Variants in SYCP2L observed in about 807,000 individuals in gnomAD.
SYCP2L encodes the protein synaptonemal complex protein 2-like.
Under a neutral mutation model 125.8 loss-of-function variants are expected in SYCP2L, and 98 were observed. The ratio of observed to expected loss-of-function variants is 0.78; its 90% CI spans 0.66 to 0.92. SYCP2L has a LOEUF of 0.92. Among genes scored for constraint, SYCP2L ranks in the 40% least tolerant of loss-of-function variants. SYCP2L has a pLI of 0.00. For missense variants in SYCP2L, 842 were observed against 936.4 expected, an observed-to-expected ratio of 0.90 and a Z score of 1.32; for synonymous variants, 317 against 325.4, an observed-to-expected ratio of 0.97 and a Z score of 0.28.
At chr6:10,932,168 A>G (rs1781008082) in intron 20 of SYCP2L, among the ~76,000 whole-genome samples, 1 of 151,938 alleles carries the variant, frequency 6.6e-6, no homozygotes, top group Non-Finnish European at 1.5e-5. Flanking sequence ...TAATGGTTTA[A>G]TTATTTAGAC....
Position 10,887,124 on chromosome 6 carries a change from G to C in SYCP2L, c.-3G>C, listed in dbSNP as rs752897854. On this transcript the variant is annotated 5_prime_UTR_variant, in exon 1 of 30. Coordinates refer to ENST00000283141, the MANE Select transcript of SYCP2L (RefSeq NM_001040274.3). The stretch of plus-strand genomic sequence containing the variant: ...GTCGCTTCAGGAACGAAGAAGCCTC[G>C]TTATGCAAGCGGTGAGTGACCCCCG... 4.3e-6 allele frequency: 7 copies of C among 1,614,126 alleles called. No individual in the cohort carries two copies. In the South Asian group the frequency reaches 5.5e-5, roughly 13 times the overall value.
chr6:10,973,120 G>A (rs998962435), intron 29 of SYCP2L, among the ~76,000 whole-genome samples: 4 of 152,182 alleles, frequency 2.6e-5, no homozygotes, highest in Non-Finnish European at 5.9e-5. Flanking sequence ...AACTTATATC[G>A]CTCAGGTGAT....
chr6:10,951,705 T>A (rs1438586064), intron 23 of SYCP2L, among the ~76,000 whole-genome samples: 1 of 152,188 alleles, frequency 6.6e-6, no homozygotes, highest in African/African-American at 2.4e-5. Flanking sequence ...GAGGATCTTT[T>A]GGTAGATTCT....
chr6:10,958,005 C>T lies in SYCP2L; in HGVS notation c.2164-779C>T, dbSNP rs78998386. 4.2e-3 allele frequency among the ~76,000 whole-genome samples: 644 copies of T among 152,204 alleles called. 5 individuals are homozygous for T. The highest frequency in any genetic ancestry group is 0.015 in the African/African-American group (615 of 41,518). ...TCCTGTTACTTATAATCCCAAATGA[C>T]TTATTTATTAGTACATTTGAGAAAA... On this transcript the variant is annotated intron_variant, in intron 25 of 29. Coordinates refer to ENST00000283141, the MANE Select transcript of SYCP2L (RefSeq NM_001040274.3).
chr6:10,942,268 A>G (rs572667545), intron 21 of SYCP2L, among the ~76,000 whole-genome samples, 191 bp from the exon 22 acceptor site: 3 of 152,296 alleles, frequency 2.0e-5, no homozygotes, highest in African/African-American at 7.2e-5. Flanking sequence ...CGTTGTGCAC[A>G]TGTACCCTAA....
intron 4 of SYCP2L, 74 bp from the exon 5 acceptor site, chr6:10,897,937 A>G: frequency 1.0e-6 from 1 of 990,526 alleles, no homozygotes; most frequent in Admixed American, 1.8e-5. Flanking sequence ...TGTAATGAGA[A>G]AATTGTCTTG....
At chr6:10,970,370 A>G (rs751229032) in intron 29 of SYCP2L, among the ~76,000 whole-genome samples, 1 of 152,172 alleles carries the variant, frequency 6.6e-6, no homozygotes. Context: ...GTGGGTGTGG[A>G]TGGTGGGGGT....
At chr6:10,947,228 T>G (rs531751644) in intron 23 of SYCP2L, among the ~76,000 whole-genome samples, 1 of 152,084 alleles carries the variant, frequency 6.6e-6, no homozygotes, top group Non-Finnish European at 1.5e-5. Context: ...TAGAGTAGTT[T>G]ATCTTCTTTC....
At chr6:10,955,697 A>G (rs1389188388) in intron 24 of SYCP2L, among the ~76,000 whole-genome samples, 2 of 152,352 alleles carry the variant, frequency 1.3e-5, no homozygotes, top group East Asian at 1.9e-4. Flanking sequence ...AGCTGCTGGT[A>G]TGAGCATGCA....
At chr6:10,948,912 A>G (rs78013311) in intron 23 of SYCP2L, among the ~76,000 whole-genome samples, 3,629 of 152,176 alleles carry the variant, frequency 0.024, 150 homozygotes, top group East Asian at 0.2. Flanking sequence ...CAGTTTTGGA[A>G]TTCTGTGTTT....
At chr6:10,921,768 C>T (rs1283101195) in intron 14 of SYCP2L, among the ~76,000 whole-genome samples, 7 of 151,384 alleles carry the variant, frequency 4.6e-5, no homozygotes, top group South Asian at 4.2e-4. Flanking sequence ...TGCAGTGGCG[C>T]GATCTTGGCT....
rs70991066 is a variant in SYCP2L at position 10,888,066 on chromosome 6, CTTTTTTTT to C, written c.9+972_9+979del. On this transcript the variant is annotated intron_variant, in intron 1 of 29. Coordinates refer to ENST00000283141, the MANE Select transcript of SYCP2L (RefSeq NM_001040274.3). ...AATCCTTCCATATAGGTGTTACCATCTTTTTTTTTTTTTTTTTTTTTTTTTTTTTTTTT... is the reference window on the plus strand; with the variant it reads ...AATCCTTCCATATAGGTGTTACCATCTTTTTTTTTTTTTTTTTTTTTTTTT... 1.0e-3 allele frequency among the ~76,000 whole-genome samples: 78 copies of C among 74,354 alleles called. 8 individuals carry two copies. Among genetic ancestry groups the C allele is most frequent in the Admixed American group, 2.4e-3 (13 of 5,434 alleles). The allele number at this position is 74,354 out of a possible 152,430, so 48.8% of individuals were successfully genotyped here.
At chr6:10,893,730 A>C in intron 2 of SYCP2L, 137 bp from the exon 3 acceptor site, 1 of 1,003,092 alleles carries the variant, frequency 1.0e-6, no homozygotes, top group Non-Finnish European at 1.5e-6. Context: ...TTTACTATTC[A>C]AGATAGAGAT....
intron 18 of SYCP2L, among the ~76,000 whole-genome samples, chr6:10,929,109 C>T (rs1780946641): frequency 6.6e-6 from 1 of 152,038 alleles, no homozygotes; most frequent in Non-Finnish European, 1.5e-5. Context: ...CCAGACTGGT[C>T]TCAAACTCCT....
rs374285183 is a variant in SYCP2L, at chr6:10,927,327, C to A, written c.1400C>A (p.Ser467Tyr). 1 of 1,614,084 alleles carries A rather than the reference C, an allele frequency of 6.2e-7. No individual in the cohort carries two copies. The change falls in exon 17 of 30, where the codon TCT (serine) becomes TAT (tyrosine). Residue 467 changes from serine (S) to tyrosine (Y), a missense_variant. Coordinates refer to ENST00000283141, the MANE Select transcript of SYCP2L (RefSeq NM_001040274.3). ...ATAACTCTCCACTTAAATGACCAATCTGAGCCACCTGTTATTGGGGAACCT... is the reference window on the plus strand; with the variant it reads ...ATAACTCTCCACTTAAATGACCAATATGAGCCACCTGTTATTGGGGAACCT... ...CLITLHLNDQSEPPVIGEPAS... is the reference protein window; with the variant it reads ...CLITLHLNDQYEPPVIGEPAS...
At chr6:10,892,301 C>A (rs1438747600) in intron 2 of SYCP2L, among the ~76,000 whole-genome samples, 1 of 152,112 alleles carries the variant, frequency 6.6e-6, no homozygotes, top group Non-Finnish European at 1.5e-5. Flanking sequence ...GAAGCCATGG[C>A]AAAGTTTTGT....
intron 20 of SYCP2L, among the ~76,000 whole-genome samples, chr6:10,934,441 G>C (rs1218011332): frequency 6.6e-6 from 1 of 152,226 alleles, no homozygotes; most frequent in African/African-American, 2.4e-5. Context: ...CGCTTTGGGA[G>C]GCCAAGGCGG....
intron 2 of SYCP2L, among the ~76,000 whole-genome samples, chr6:10,893,140 AG>A (rs753894555): frequency 7.6e-6 from 1 of 131,928 alleles, no homozygotes; most frequent in Non-Finnish European, 1.7e-5. Flanking sequence ...CAAGTATTAC[AG>A]GCATGCGCCA....
At chr6:10,913,545 C>T (rs565575173) in intron 14 of SYCP2L, among the ~76,000 whole-genome samples, 1 of 152,172 alleles carries the variant, frequency 6.6e-6, no homozygotes, top group South Asian at 2.1e-4. Flanking sequence ...TATTCATGTC[C>T]TTACCCCACT....
Sources: allele counts gnomAD v4.1 joint callset (sites outside exome capture counted in the v4.1 genomes callset), GRCh38; gene constraint gnomAD v4.1.1; transcripts MANE v1.5; gene names NCBI Gene and HGNC (gene_info 2026-07-23, HGNC 2026-07-21).